FOXN1: variants seen among roughly 807,000 people sequenced by gnomAD.
FOXN1 encodes forkhead box N1, also known as forkhead box protein N1.
FOXN1 carries 15 observed loss-of-function variants against 49.0 expected under a neutral mutation model. The observed-to-expected ratio is 0.31, with a 90% confidence interval of 0.20 to 0.47. The LOEUF is 0.47. Ranked by LOEUF, FOXN1 falls within the 20% of genes least tolerant of loss-of-function variation. FOXN1 has a pLI of 1.00. For synonymous variants in FOXN1, 356 were observed against 369.0 expected (o/e 0.96, Z 0.40); for missense variants, 800 against 842.8 (o/e 0.95, Z 0.63).
chr17:28,529,150 G>A lies in FOXN1; in HGVS notation c.756G>A (p.Gln252=), dbSNP rs1299579292. 4 of 1,614,042 alleles carry A rather than the reference G, an allele frequency of 2.5e-6. No homozygotes were observed. The highest frequency in any genetic ancestry group is 3.4e-6 in the Non-Finnish European group (4 of 1,180,012). The change falls in exon 5 of 9, where the codon CAG becomes CAA. Residue 252 remains glutamine, a synonymous_variant. Transcript: ENST00000579795. ...PIPYLGSSHY[Q]YQRMAPQAST... ...CCTACCTGGGCTCCTCACACTATCA[G>A]TACCAGCGAATGGCACCCCAGGCCA...
intron 6 of FOXN1, among the ~76,000 whole-genome samples, chr17:28,531,824 G>T (rs1035587890): frequency 6.6e-6 from 1 of 152,186 alleles, no homozygotes; most frequent in African/African-American, 2.4e-5. Context: ...CCTGCCTGGG[G>T]ATAATTTGAC....
intron 1 of FOXN1, among the ~76,000 whole-genome samples, chr17:28,516,860 ACAACTCCACT>A (rs2069518525): frequency 1.7e-5 from 1 of 58,270 alleles, no homozygotes; most frequent in African/African-American, 5.1e-5. Context: ...CACAGGGTAC[ACAACTCCACT>A]GGGTACACAC....
rs765342996 is a variant in FOXN1 at position 28,537,463 on chromosome 17, C to T, written c.*27C>T. 2.2e-5 allele frequency: 35 copies of T among 1,580,184 alleles called. No individual in the cohort carries two copies. The highest frequency in any genetic ancestry group is 1.0e-4 in the Admixed American group (6 of 59,904). ...CTGTGCCCAGCTTCGTCAGCTCCAG[C>T]GTTTGCCTGGTCTGGAAGTCCTGGC... On this transcript the variant is annotated 3_prime_UTR_variant, in exon 9 of 9. Coordinates refer to ENST00000579795, the MANE Select transcript of FOXN1 (RefSeq NM_001369369.1).
chr17:28,518,785 C>T (rs543893830), intron 1 of FOXN1, among the ~76,000 whole-genome samples: 19 of 152,202 alleles, frequency 1.2e-4, no homozygotes, highest in African/African-American at 4.6e-4. Flanking sequence ...ATGGTCATGG[C>T]TCTCAAGAAC....
At chr17:28,508,176 G>A (rs1177743762) in intron 1 of FOXN1, among the ~76,000 whole-genome samples, 1 of 152,192 alleles carries the variant, frequency 6.6e-6, no homozygotes, top group Non-Finnish European at 1.5e-5. Flanking sequence ...TTATTTCCCA[G>A]GGGCTCAGGG....
At chr17:28,508,961 G>A (rs577821282) in intron 1 of FOXN1, among the ~76,000 whole-genome samples, 1 of 139,758 alleles carries the variant, frequency 7.2e-6, no homozygotes, top group Admixed American at 7.3e-5. Context: ...TTTAGGTTGA[G>A]TTTGACTGGA....
chr17:28,524,203 C>A (rs2069710062), intron 2 of FOXN1, 111 bp downstream of exon 2: 3 of 1,147,060 alleles, frequency 2.6e-6, no homozygotes, highest in African/African-American at 3.1e-5. Context: ...CCTGTCTTGT[C>A]CCCTCCACCA....
At chr17:28,508,638 A>G (rs1233430194) in intron 1 of FOXN1, among the ~76,000 whole-genome samples, 1 of 152,096 alleles carries the variant, frequency 6.6e-6, no homozygotes, top group East Asian at 1.9e-4. Flanking sequence ...ATAGGCAGAG[A>G]CTGTTCTAAG....
At position 28,534,528 on chromosome 17, in the gene FOXN1, G is replaced by A; in HGVS notation, c.1125G>A (p.Met375Ile). 6.2e-7 allele frequency: 1 copy of A among 1,613,500 alleles called. No homozygotes were observed. The highest frequency in any genetic ancestry group is 8.5e-7 in the Non-Finnish European group (1 of 1,179,950). ...RKDPIAVRKS[M>I]AKPEELDSLI... The stretch of plus-strand genomic sequence containing the variant: ...ATCCCATTGCTGTGCGCAAAAGCAT[G>A]GCCAAGCCAGGTGAGGCCGGCCGGG... Residue 375 changes from methionine (M) to isoleucine (I), a missense_variant, in exon 7 of 9, where the codon ATG becomes ATA. This residue lies in a region of FOXN1 where 344 missense variants were observed against 366.1 expected (regional missense o/e 0.94). Coordinates refer to ENST00000579795, the MANE Select transcript of FOXN1 (RefSeq NM_001369369.1). This position sits in a 1 kb window ranked among gnomAD's most constrained non-coding sequence, Gnocchi z 4.1.
At position 28,528,559 on chromosome 17, in the gene FOXN1, AC is replaced by A. The variant is rs1274867823; in HGVS notation, c.700-530del. Among the ~76,000 whole-genome samples the A allele has an allele frequency of 2.6e-5, 4 of 151,516 alleles. No individual in the cohort carries two copies. The East Asian group carries it at 5.8e-4, about 22-fold the overall frequency. ...GCAGCTGGGGGAGTCAGAGTCTCCT[AC>A]CCCCATCCCCCATAAAACACCATCC... is the stretch of plus-strand genomic sequence containing the variant. On this transcript the variant is annotated intron_variant, in intron 4 of 8. Coordinates refer to ENST00000579795, the MANE Select transcript of FOXN1 (RefSeq NM_001369369.1).
Position 28,524,896 on chromosome 17 carries a change from C to A in FOXN1, c.517C>A (p.Pro173Thr). The part of the protein sequence containing the change: ...VDVAEAEAFL[P>T]GFSAEAWCNG... ...CGTGGCGGAGGCCGAGGCCTTCCTG[C>A]CTGGCTTCTCAGCAGAGGCCTGGTG... is the stretch of plus-strand genomic sequence containing the variant. Residue 173 changes from proline (P) to threonine (T), a missense_variant, in exon 3 of 9, where the codon CCT (proline) becomes ACT (threonine). By Grantham distance (38) the Pro-to-Thr change is conservative (BLOSUM62 -1). Around this residue, in one of 3 missense-constraint regions of FOXN1, gnomAD observed 383 missense variants for 357.9 expected, o/e 1.07. Transcript: ENST00000579795. 6.2e-7 allele frequency: 1 copy of A among 1,613,512 alleles called. No homozygotes were observed. The highest frequency in any genetic ancestry group is 1.7e-5 in the Admixed American group (1 of 60,032).
intron 3 of FOXN1, among the ~76,000 whole-genome samples, chr17:28,525,341 A>C (rs1331086647): frequency 6.6e-6 from 1 of 152,168 alleles, no homozygotes; most frequent in African/African-American, 2.4e-5. Flanking sequence ...TTTGGGGAGG[A>C]GCCATAGTAC....
intron 1 of FOXN1, among the ~76,000 whole-genome samples, chr17:28,506,777 C>T (rs781835021): frequency 6.6e-6 from 1 of 152,182 alleles, no homozygotes; most frequent in Non-Finnish European, 1.5e-5. Context: ...AATGAGGACT[C>T]AAAAGTGTTA....
chr17:28,511,868 G>A (rs550639684), intron 1 of FOXN1, among the ~76,000 whole-genome samples: 7 of 152,102 alleles, frequency 4.6e-5, no homozygotes, highest in South Asian at 2.1e-4. Context: ...GCCAGGTTAC[G>A]GGGGAGGTGA....
chr17:28,528,125 C>T (rs2069815438), intron 4 of FOXN1, among the ~76,000 whole-genome samples: 2 of 152,242 alleles, frequency 1.3e-5, no homozygotes, highest in Admixed American at 6.5e-5. Flanking sequence ...CTCTCTGGCA[C>T]TGGCCCTGAT....
chr17:28,533,931 C>T (rs946508507), intron 6 of FOXN1, among the ~76,000 whole-genome samples: 1 of 152,106 alleles, frequency 6.6e-6, no homozygotes, highest in African/African-American at 2.4e-5. Flanking sequence ...AGTAATGAGT[C>T]CCCCTTCCAC....
At chr17:28,512,848 A>T (rs1376289809) in intron 1 of FOXN1, among the ~76,000 whole-genome samples, 1 of 152,132 alleles carries the variant, frequency 6.6e-6, no homozygotes, top group Non-Finnish European at 1.5e-5. Flanking sequence ...AGTAAGAGCA[A>T]AAGATCCCTG....
chr17:28,535,924 A>G (rs1354611849), intron 8 of FOXN1, among the ~76,000 whole-genome samples: 1 of 152,228 alleles, frequency 6.6e-6, no homozygotes, highest in Non-Finnish European at 1.5e-5. Context: ...GAAGAGTCTC[A>G]GAGCTGGGCA....
In FOXN1 at chr17:28,524,577, C is replaced by T. The variant is rs746723858; in HGVS notation, c.198C>T (p.His66=). 4 of 1,613,496 alleles carry T rather than the reference C, an allele frequency of 2.5e-6. No homozygotes were observed. In the African/African-American group the frequency reaches 5.3e-5, roughly 22 times the overall value. The change falls in exon 3 of 9, where the codon CAC becomes CAT. Residue 66 remains histidine, a synonymous_variant. Transcript: ENST00000579795. ...AGAGGACACCCTCACTGCCCCCACA[C>T]AGCCCCCGCATTGCGTCACCAGGGC... The part of the protein sequence containing the change: ...PPERTPSLPP[H]SPRIASPGPE...
Sources: gnomAD v4.1 joint callset for allele counts (sites outside exome capture counted in the v4.1 genomes callset) on GRCh38, gnomAD v4.1.1 for gene constraint, gnomAD v4.1.1 regional missense constraint, Gnocchi (gnomAD v3.1) non-coding constraint, MANE v1.5 for transcripts, NCBI Gene and HGNC (gene_info 2026-07-23, HGNC 2026-07-21) for gene names.